The following NFIC variants were observed in gnomAD, a reference collection of about 807,000 sequenced individuals.
NFIC encodes nuclear factor I C.
In NFIC, 12 loss-of-function variants were observed where a neutral mutation model predicts 54.4. The observed-to-expected ratio is 0.22, with a 90% CI of 0.14 to 0.36. The LOEUF (loss-of-function observed/expected upper bound fraction) is 0.36. Ranked by LOEUF, NFIC falls within the 10% of genes least tolerant of loss-of-function variation. NFIC has a pLI of 1.00. For synonymous variants in NFIC, 322 were observed against 319.2 expected (o/e 1.01, Z -0.09); for missense variants, 575 against 718.2 (o/e 0.80, Z 2.28).
rs1281013341 is a variant in NFIC at position 3,404,137 on chromosome 19, T to TC, written c.563-20960dup. On this transcript the variant is annotated intron_variant, in intron 2 of 10. Coordinates refer to ENST00000443272, the MANE Select transcript of NFIC (RefSeq NM_001245002.2). ...GGGCTCCCCCCGAGGCCTGCCCTTCTCCCCCCCCCGTCACAGCCGCCGAGT... is the reference window on the plus strand; with the variant it reads ...GGGCTCCCCCCGAGGCCTGCCCTTCTCCCCCCCCCCGTCACAGCCGCCGAGT... Among the ~76,000 whole-genome samples, 1,008 of 150,664 alleles carry TC rather than the reference T, an allele frequency of 6.7e-3. 6 individuals are homozygous for TC. The highest frequency in any genetic ancestry group is 0.017 in the Middle Eastern group (5 of 292).
chr19:3,408,203 G>A (rs1417164473), intron 2 of NFIC, among the ~76,000 whole-genome samples: 1 of 152,156 alleles, frequency 6.6e-6, no homozygotes, highest in African/African-American at 2.4e-5. Flanking sequence ...ATGCCCTGCT[G>A]GGGCCCAAGT....
chr19:3,382,322 G>A (rs2081225062), intron 2 of NFIC, 79 bp downstream of exon 2: 2 of 1,540,064 alleles, frequency 1.3e-6, no homozygotes, highest in African/African-American at 1.4e-5. Context: ...GAGGGCCTGA[G>A]GGAGGAGGCC....
intron 2 of NFIC, among the ~76,000 whole-genome samples, chr19:3,403,346 G>A (rs1469982265): frequency 2.0e-5 from 3 of 152,192 alleles, no homozygotes; most frequent in African/African-American, 7.2e-5. Flanking sequence ...CTGCGTGGCC[G>A]TGAGATCTGC....
chr19:3,450,250 C>T (rs1045680763), intron 7 of NFIC, among the ~76,000 whole-genome samples: 18 of 151,980 alleles, frequency 1.2e-4, no homozygotes, highest in African/African-American at 4.1e-4. Context: ...GAGGCTGAGG[C>T]AGGAGAATGG....
chr19:3,420,561 AAAT>A (rs2081938240), intron 2 of NFIC, among the ~76,000 whole-genome samples: 2 of 150,820 alleles, frequency 1.3e-5, no homozygotes, highest in African/African-American at 4.9e-5. Flanking sequence ...TCAAAAAAAT[AAAT>A]AAATAAATAA....
chr19:3,363,230 T>TGTGTGTGTGTGC (rs1406050027), upstream of NFIC, among the ~76,000 whole-genome samples: 126 of 57,382 alleles, frequency 2.2e-3, no homozygotes, highest in African/African-American at 0.011. Flanking sequence ...TATATGTATG[T>TGTGTGTGTGTGC]GTATGTGTGT....
At chr19:3,442,016 A>C (rs1422417804) in intron 6 of NFIC, among the ~76,000 whole-genome samples, 1 of 152,138 alleles carries the variant, frequency 6.6e-6, no homozygotes, top group Non-Finnish European at 1.5e-5. Flanking sequence ...TCTCCCGGGC[A>C]GTGCTCAGCC....
In NFIC at chr19:3,449,056, C is replaced by T; in HGVS notation, c.1001C>T (p.Pro334Leu). ...PVKKTEMDKS[P>L]FNSPSPQDSP... ...AAGAAGACAGAGATGGACAAGTCAC[C>T]ATTCAACAGCCCGTCCCCCCAGGAC... The change falls in exon 7 of 11, where the codon CCA (proline) becomes CTA (leucine). Residue 334 changes from proline (P) to leucine (L), a missense_variant. Transcript: ENST00000443272. 1 of 1,613,530 alleles carries T rather than the reference C, an allele frequency of 6.2e-7. No individual in the cohort carries two copies. The highest frequency in any genetic ancestry group is 1.1e-5 in the South Asian group (1 of 91,010).
At position 3,465,430 on chromosome 19, in the gene NFIC, TAAAAAAAAAAAAAAA is replaced by T. The variant is rs10617203; in HGVS notation, c.*2671_*2685del. 3.3e-5 allele frequency: 2 copies of T among 60,812 alleles called. No homozygotes were observed. The highest frequency in any genetic ancestry group is 6.8e-5 in the Non-Finnish European group (2 of 29,442). 3.8% of individuals were successfully genotyped at this position (60,812 alleles called of 1,614,324 possible). A position where few individuals can be genotyped will look rare whatever the true frequency, so the allele number is the denominator to read the frequency against. Reference sequence around the variant, plus strand: ...AATAAAAAATAAGAAAGTGAGAATCTAAAAAAAAAAAAAAAAAAAAAAAAGGAAGAAAAACCACGC... The same window carrying T: ...AATAAAAAATAAGAAAGTGAGAATCTAAAAAAAAAGGAAGAAAAACCACGC... On this transcript the variant is annotated 3_prime_UTR_variant, in exon 11 of 11. Coordinates refer to ENST00000443272, the MANE Select transcript of NFIC (RefSeq NM_001245002.2).
chr19:3,429,611 A>G (rs1157805574), intron 3 of NFIC, among the ~76,000 whole-genome samples: 2 of 152,026 alleles, frequency 1.3e-5, no homozygotes, highest in Non-Finnish European at 2.9e-5. Flanking sequence ...AGATTGTAAC[A>G]GGGGGACTGG....
intron 2 of NFIC, among the ~76,000 whole-genome samples, chr19:3,403,811 TCCGCCTCCTC>T (rs1478505700): frequency 1.3e-5 from 2 of 151,886 alleles, no homozygotes; most frequent in African/African-American, 2.4e-5. Context: ...GGGAGGGGCC[TCCGCCTCCTC>T]CCGCCACCCC....
chr19:3,414,290 C>T (rs768402215), intron 2 of NFIC, among the ~76,000 whole-genome samples: 2 of 152,006 alleles, frequency 1.3e-5, no homozygotes, highest in East Asian at 1.9e-4. Flanking sequence ...CTTTTGTTTA[C>T]GACCCTTTAA....
chr19:3,378,580 A>C (rs931267911), intron 1 of NFIC, among the ~76,000 whole-genome samples: 1 of 152,156 alleles, frequency 6.6e-6, no homozygotes, highest in Admixed American at 6.5e-5. Flanking sequence ...TCTGTCCCCC[A>C]TGGCCGGGTT....
chr19:3,416,291 A>C (rs2081852963), intron 2 of NFIC, among the ~76,000 whole-genome samples: 1 of 149,622 alleles, frequency 6.7e-6, no homozygotes, highest in South Asian at 2.1e-4. Flanking sequence ...TATATATTAA[A>C]AATGTACCTG....
At chr19:3,395,098 CCT>C (rs1417615872) in intron 2 of NFIC, among the ~76,000 whole-genome samples, 3 of 152,134 alleles carry the variant, frequency 2.0e-5, no homozygotes, top group Non-Finnish European at 4.4e-5. Flanking sequence ...GTGGCTCACA[CCT>C]GTCATCCCAG....
chr19:3,381,433 C>T (rs1347405809), intron 1 of NFIC, among the ~76,000 whole-genome samples: 1 of 150,982 alleles, frequency 6.6e-6, no homozygotes, highest in South Asian at 2.1e-4. Context: ...CCACAAACTT[C>T]CGCCTTGATT....
chr19:3,368,580 G>A (rs2080938816), intron 1 of NFIC, among the ~76,000 whole-genome samples: 1 of 152,182 alleles, frequency 6.6e-6, no homozygotes, highest in African/African-American at 2.4e-5. Flanking sequence ...AGTGGGGACA[G>A]CGAGTCCCAA....
intron 2 of NFIC, among the ~76,000 whole-genome samples, chr19:3,413,410 G>C (rs534997270): frequency 7.0e-4 from 106 of 152,152 alleles, no homozygotes; most frequent in Non-Finnish European, 5.6e-4. Context: ...TCAACTGTGA[G>C]ATGCCAGGGT....
chr19:3,386,471 C>T (rs1428870138), intron 2 of NFIC, among the ~76,000 whole-genome samples: 3 of 151,876 alleles, frequency 2.0e-5, no homozygotes, highest in Non-Finnish European at 2.9e-5. Flanking sequence ...TACAGGCGAG[C>T]GCCACCACAC....
Sources: allele counts gnomAD v4.1 joint callset (sites outside exome capture counted in the v4.1 genomes callset), GRCh38; gene constraint gnomAD v4.1.1; transcripts MANE v1.5; gene names NCBI Gene and HGNC (gene_info 2026-07-23, HGNC 2026-07-21).